CCDC179: variants seen among roughly 807,000 people sequenced by gnomAD.
CCDC179 encodes coiled-coil domain-containing protein 179.
In CCDC179, 17 loss-of-function variants were observed where a neutral mutation model predicts 12.0. The ratio of observed to expected loss-of-function variants is 1.42; its 90% CI spans 0.97 to 2.13. CCDC179 has a LOEUF of 2.13. Among genes scored for constraint, CCDC179 ranks in the 30% most tolerant of loss-of-function variants. The probability of loss-of-function intolerance (pLI) is 0.00; values close to 1 mark genes in which losing one functional copy is unlikely to be tolerated. For synonymous variants in CCDC179, 27 were observed against 26.4 expected (o/e 1.02, Z -0.07); for missense variants, 83 against 78.6 (o/e 1.06, Z -0.21).
Position 22,857,942 on chromosome 11 carries a change from T to A in CCDC179, c.175A>T (p.Ile59Phe), listed in dbSNP as rs1217442405. 6.6e-7 allele frequency: 1 copy of A among 1,521,630 alleles called. No homozygotes were observed. Among genetic ancestry groups the A allele is most frequent in the Admixed American group, 2.0e-5 (1 of 49,232 alleles). 94.3% of individuals were successfully genotyped at this position (1,521,630 alleles called of 1,614,324 possible). A position where few individuals can be genotyped will look rare whatever the true frequency, so the allele number is the denominator to read the frequency against. ...LNKRFSRPSP[I>F]PEPGLLWSS ...CTTACTAGGAGTCCTGGTTCTGGAA[T>A]AGGAGAAGGCCTTGAAAACCTTTTA... is the stretch of plus-strand genomic sequence containing the variant. Residue 59 changes from isoleucine (I) to phenylalanine (F), a missense_variant, in exon 3 of 4, where the codon ATT (isoleucine) becomes TTT (phenylalanine). Ile to Phe is a conservative substitution (Grantham distance 21, BLOSUM62 0). Transcript: ENST00000532798.
At chr11:22,854,891 T>G (rs1318733359) in intron 3 of CCDC179, among the ~76,000 whole-genome samples, 1 of 151,716 alleles carries the variant, frequency 6.6e-6, no homozygotes, top group Non-Finnish European at 1.5e-5. Flanking sequence ...TTGCTAACAG[T>G]AATCAACAGA....
At chr11:22,859,610 C>A in intron 1 of CCDC179, 114 bp from the exon 2 acceptor site, 1 of 502,508 alleles carries the variant, frequency 2.0e-6, no homozygotes, top group South Asian at 6.7e-5. Context: ...TTATATGAAT[C>A]ATTTCAACTA....
intron 3 of CCDC179, 53 bp downstream of exon 3, chr11:22,857,869 G>T (rs925299956): frequency 2.4e-6 from 2 of 844,368 alleles, no homozygotes; most frequent in Non-Finnish European, 1.7e-6. Context: ...TTAAAATGAT[G>T]ATATCAGTTG....
chr11:22,850,692 T>G (rs1448318194), intron 3 of CCDC179, among the ~76,000 whole-genome samples: 1 of 151,712 alleles, frequency 6.6e-6, no homozygotes, highest in Non-Finnish European at 1.5e-5. Flanking sequence ...GATGGTTTGT[T>G]AAGGGCCAAG....
intron 3 of CCDC179, among the ~76,000 whole-genome samples, chr11:22,854,583 G>A (rs1021542971): frequency 1.3e-5 from 2 of 151,698 alleles, no homozygotes; most frequent in Non-Finnish European, 3.0e-5. Context: ...AAGTATAATT[G>A]ACATGCTAAG....
intron 3 of CCDC179, among the ~76,000 whole-genome samples, chr11:22,856,934 AC>A (rs1858541817): frequency 6.6e-6 from 1 of 151,708 alleles, no homozygotes; most frequent in African/African-American, 2.4e-5. Context: ...TATATTAGCA[AC>A]AAAAAATAAA....
At chr11:22,847,587 A>T (rs2134821578) in intron 3 of CCDC179, 66 bp from the exon 4 acceptor site, 1 of 808,692 alleles carries the variant, frequency 1.2e-6, no homozygotes, top group Middle Eastern at 3.7e-4. Flanking sequence ...GAAAGATTAG[A>T]TATACTATAA....
chr11:22,858,338 T>C (rs374049341), intron 2 of CCDC179, among the ~76,000 whole-genome samples: 1 of 151,972 alleles, frequency 6.6e-6, no homozygotes, highest in Non-Finnish European at 1.5e-5. Flanking sequence ...TTAAAAATAA[T>C]GTTCATTAAG....
intron 3 of CCDC179, among the ~76,000 whole-genome samples, chr11:22,857,028 A>T (rs924469629): frequency 1.3e-5 from 2 of 151,846 alleles, no homozygotes; most frequent in Non-Finnish European, 3.0e-5. Context: ...GATGATCTAA[A>T]TAAATAGGAG....
At chr11:22,848,842 A>T (rs1371912186) in intron 3 of CCDC179, among the ~76,000 whole-genome samples, 1 of 152,214 alleles carries the variant, frequency 6.6e-6, no homozygotes, top group Non-Finnish European at 1.5e-5. Context: ...TTGAGACAAG[A>T]TTAATAGAGA....
At chr11:22,852,029 A>G (rs1163056230) in intron 3 of CCDC179, among the ~76,000 whole-genome samples, 6 of 152,194 alleles carry the variant, frequency 3.9e-5, no homozygotes, top group Non-Finnish European at 5.9e-5. Flanking sequence ...CTATTTTAGC[A>G]GAGCCTAAAT....
chr11:22,854,886 A>T (rs1453710125), intron 3 of CCDC179, among the ~76,000 whole-genome samples: 1 of 151,758 alleles, frequency 6.6e-6, no homozygotes, highest in Non-Finnish European at 1.5e-5. Context: ...ATACATTGCT[A>T]ACAGTAATCA....
intron 1 of CCDC179, 109 bp downstream of exon 1, chr11:22,860,268 A>G: frequency 7.8e-7 from 1 of 1,282,232 alleles, no homozygotes; most frequent in South Asian, 1.4e-5. Flanking sequence ...CCCAGCACCA[A>G]ACCACATTTA....
chr11:22,858,206 G>T (rs1167088117), intron 2 of CCDC179, 180 bp from the exon 3 acceptor site: 3 of 437,952 alleles, frequency 6.9e-6, no homozygotes, highest in African/African-American at 6.1e-5. Context: ...TGGTTCATAG[G>T]TGAAGAAAAC....
rs142990661 is a variant in CCDC179 at position 22,858,182 on chromosome 11, T to G, written c.91-156A>C. 5.1e-5 allele frequency: 26 copies of G among 505,130 alleles called. No individual in the cohort carries two copies. In the East Asian group the frequency reaches 5.9e-4, roughly 11 times the overall value. The allele number at this position is 505,130 out of a possible 1,614,324, so 31.3% of individuals were successfully genotyped here. ...CATAGAAATAGGGCGAAAAATCTCTTTCATTCAAATGTATGGTTCATAGGT... is the reference window on the plus strand; with the variant it reads ...CATAGAAATAGGGCGAAAAATCTCTGTCATTCAAATGTATGGTTCATAGGT... On this transcript the variant is annotated intron_variant, in intron 2 of 3. Coordinates refer to ENST00000532798, the MANE Select transcript of CCDC179 (RefSeq NM_001195637.2).
intron 3 of CCDC179, among the ~76,000 whole-genome samples, chr11:22,857,106 T>G (rs896576710): frequency 6.6e-6 from 1 of 151,630 alleles, no homozygotes; most frequent in Non-Finnish European, 1.5e-5. Flanking sequence ...AACTGATCCT[T>G]TGGATCCAGC....
At chr11:22,847,560 A>G in intron 3 of CCDC179, 39 bp from the exon 4 acceptor site, 1 of 1,129,478 alleles carries the variant, frequency 8.9e-7, no homozygotes, top group Non-Finnish European at 1.2e-6. Context: ...AAGAAATTTA[A>G]TTAAAATTTA....
chr11:22,857,225 G>A (rs543185132), intron 3 of CCDC179, among the ~76,000 whole-genome samples: 27 of 151,656 alleles, frequency 1.8e-4, no homozygotes, highest in African/African-American at 6.0e-4. Flanking sequence ...AACATTGAGG[G>A]AAAAGAACAG....
At chr11:22,849,922 G>C (rs566214787) in intron 3 of CCDC179, among the ~76,000 whole-genome samples, 1 of 152,160 alleles carries the variant, frequency 6.6e-6, no homozygotes, top group Non-Finnish European at 1.5e-5. Context: ...AGATTCCTGA[G>C]AGGAAAGACG....
Sources: allele counts gnomAD v4.1 joint callset (sites outside exome capture counted in the v4.1 genomes callset), GRCh38; gene constraint gnomAD v4.1.1; transcripts MANE v1.5; gene names NCBI Gene and HGNC (gene_info 2026-07-23, HGNC 2026-07-21).